C17orf67: variants seen among roughly 807,000 people sequenced by gnomAD.
C17orf67 encodes uncharacterized protein C17orf67.
A neutral mutation model predicts 11.2 loss-of-function variants in C17orf67; 12 were observed. The observed-to-expected ratio is 1.07, with a 90% CI of 0.68 to 1.73. The LOEUF (loss-of-function observed/expected upper bound fraction) is 1.73, where lower values mean the gene tolerates loss of function less well. C17orf67 is among the 40% of genes most tolerant of loss of function. The probability of loss-of-function intolerance (pLI) is 0.00; values close to 1 mark genes in which losing one functional copy is unlikely to be tolerated. For synonymous variants in C17orf67, 59 were observed against 46.9 expected, an observed-to-expected ratio of 1.26 and a Z score of -1.05; for missense variants, 115 against 113.5, an observed-to-expected ratio of 1.01 and a Z score of -0.06.
intron 4 of C17orf67, among the ~76,000 whole-genome samples, chr17:56,820,256 C>T (rs997314955): frequency 1.3e-5 from 2 of 152,086 alleles, no homozygotes; most frequent in African/African-American, 4.8e-5. Context: ...TAATATCAAA[C>T]GTTGAAGGCT....
chr17:56,796,904 C>T (rs1451150223), intron 6 of C17orf67, among the ~76,000 whole-genome samples: 2 of 151,682 alleles, frequency 1.3e-5, no homozygotes, highest in African/African-American at 4.8e-5. Flanking sequence ...CCTTCCTCCT[C>T]GAAGCCTTCA....
At chr17:56,826,040 C>T (rs1486152952) in intron 2 of C17orf67, among the ~76,000 whole-genome samples, 1 of 152,146 alleles carries the variant, frequency 6.6e-6, no homozygotes, top group African/African-American at 2.4e-5. Context: ...CTGCAACCTC[C>T]ACCTCCTGAA....
At chr17:56,802,441 C>T (rs893522444) in intron 6 of C17orf67, among the ~76,000 whole-genome samples, 1 of 152,166 alleles carries the variant, frequency 6.6e-6, no homozygotes, top group African/African-American at 2.4e-5. Context: ...GCCACAGCTC[C>T]TAGGAGGCTG....
rs773076335 is a variant in C17orf67 at position 56,815,888 on chromosome 17, G to T, written c.-78C>A. 8 of 1,605,478 alleles carry T rather than the reference G, an allele frequency of 5.0e-6. No homozygotes were observed. The South Asian group carries it at 8.8e-5, about 18-fold the overall frequency. ...GCCAACTTGAAGGAAGCCATGCCAG[G>T]CCCTGCGCTTGTTTATGCTTTGACT... On this transcript the variant is annotated 5_prime_UTR_variant, in exon 5 of 8. Transcript: ENST00000397861.
chr17:56,828,769 T>C (rs1002997918), intron 2 of C17orf67, among the ~76,000 whole-genome samples: 2 of 148,964 alleles, frequency 1.3e-5, no homozygotes, highest in African/African-American at 2.5e-5. Flanking sequence ...ATCGACTCCA[T>C]GTAACATACG....
chr17:56,824,308 C>T (rs1035003224), intron 4 of C17orf67, among the ~76,000 whole-genome samples: 1 of 152,222 alleles, frequency 6.6e-6, no homozygotes, highest in African/African-American at 2.4e-5. Context: ...TGTTATGACA[C>T]AGAGCAAAAG....
chr17:56,815,771 G>A lies in C17orf67; in HGVS notation c.40C>T (p.Leu14=), dbSNP rs549560438. 35 of 1,611,360 alleles carry A rather than the reference G, an allele frequency of 2.2e-5. No individual in the cohort carries two copies. In the South Asian group the frequency reaches 3.8e-4, roughly 17 times the overall value. The change falls in exon 5 of 8, where the codon CTG becomes TTG. Residue 14 remains leucine, a synonymous_variant. Coordinates refer to ENST00000397861, the MANE Select transcript of C17orf67 (RefSeq NM_001085430.4). ...LPVLVLSLTL[L]TVFSETSPIL... is the part of the protein sequence containing the mutation. ...CAGTGCCCACCTGAGAAGACAGTCA[G>A]TAAGGTAAGAGACAGCACGAGCACA...
chr17:56,808,515 C>T (rs1055497500), intron 6 of C17orf67, among the ~76,000 whole-genome samples: 3 of 152,154 alleles, frequency 2.0e-5, no homozygotes, highest in South Asian at 4.1e-4. Flanking sequence ...TCTCCATCCC[C>T]TCTGGGCCTT....
At chr17:56,797,660 C>A (rs1293539280) in intron 6 of C17orf67, among the ~76,000 whole-genome samples, 1 of 152,198 alleles carries the variant, frequency 6.6e-6, no homozygotes, top group Non-Finnish European at 1.5e-5. Flanking sequence ...GATAGGGCCT[C>A]TCTGCAACCT....
At chr17:56,798,050 GT>G (rs147630826) in intron 6 of C17orf67, among the ~76,000 whole-genome samples, 18,085 of 152,164 alleles carry the variant, frequency 0.12, 1,159 homozygotes, top group South Asian at 0.16. Flanking sequence ...CATACTGAAG[GT>G]GGTTCATCAT....
chr17:56,795,033 A>T lies in C17orf67; in HGVS notation c.*20+11T>A. On this transcript the variant is annotated intron_variant, in intron 7 of 7. Coordinates refer to ENST00000397861, the MANE Select transcript of C17orf67 (RefSeq NM_001085430.4). ...CTCAGACAGAGGTCCGGGAGAGAGAAGGAGACGTACCGAGGCTGGTCCTGA... is the reference window on the plus strand; with the variant it reads ...CTCAGACAGAGGTCCGGGAGAGAGATGGAGACGTACCGAGGCTGGTCCTGA... 1 of 1,572,466 alleles carries T rather than the reference A, an allele frequency of 6.4e-7. No individual in the cohort carries two copies. The highest frequency in any genetic ancestry group is 8.7e-7 in the Non-Finnish European group (1 of 1,143,032).
intron 6 of C17orf67, among the ~76,000 whole-genome samples, chr17:56,800,040 G>T (rs1597988152): frequency 1.5e-5 from 2 of 135,170 alleles, no homozygotes; most frequent in African/African-American, 5.4e-5. Context: ...TGATTTTTCT[G>T]TATCCTGTTG....
chr17:56,807,266 C>G (rs1021610657), intron 6 of C17orf67, among the ~76,000 whole-genome samples: 1 of 152,178 alleles, frequency 6.6e-6, no homozygotes, highest in Non-Finnish European at 1.5e-5. Context: ...AAGTGGAAAC[C>G]AAGTGAGCAG....
At position 56,809,754 on chromosome 17, in the gene C17orf67, C is replaced by T. The variant is rs538036727; in HGVS notation, c.156+5115G>A. On this transcript the variant is annotated intron_variant, in intron 6 of 7. Coordinates refer to ENST00000397861, the MANE Select transcript of C17orf67 (RefSeq NM_001085430.4). ...ACACCCCTCTACACACATACACCCTCACACACACCCCTCTACACACACACC... is the reference window on the plus strand; with the variant it reads ...ACACCCCTCTACACACATACACCCTTACACACACCCCTCTACACACACACC... Among the ~76,000 whole-genome samples the T allele has an allele frequency of 1.3e-3, 199 of 147,826 alleles. 4 individuals are homozygous for T. The highest frequency in any genetic ancestry group is 4.5e-5 in the Non-Finnish European group (3 of 66,728).
chr17:56,827,392 T>A (rs185786366), intron 2 of C17orf67, among the ~76,000 whole-genome samples: 2 of 152,354 alleles, frequency 1.3e-5, no homozygotes, highest in African/African-American at 4.8e-5. Context: ...AATCCATGGT[T>A]ACTAGGCAGA....
At chr17:56,825,395 T>C (rs538105861) in intron 2 of C17orf67, 74 bp from the exon 3 acceptor site, 2 of 152,338 alleles carry the variant, frequency 1.3e-5, no homozygotes, top group South Asian at 2.1e-4. Flanking sequence ...TGGCCACAAA[T>C]ATTATTATTA....
At chr17:56,792,529 T>C (rs1389413450) in intron 7 of C17orf67, among the ~76,000 whole-genome samples, 177 bp from the exon 8 acceptor site, 1 of 150,438 alleles carries the variant, frequency 6.6e-6, no homozygotes, top group East Asian at 2.0e-4. Context: ...GTGGTGGTGG[T>C]GGTGGTGGTG....
intron 2 of C17orf67, among the ~76,000 whole-genome samples, chr17:56,825,723 T>C (rs1178303565): frequency 6.6e-6 from 1 of 152,100 alleles, no homozygotes; most frequent in Non-Finnish European, 1.5e-5. Flanking sequence ...TAATAACATA[T>C]AAAAGTTATT....
intron 6 of C17orf67, among the ~76,000 whole-genome samples, chr17:56,810,480 TACAC>T (rs1453210574): frequency 6.6e-6 from 1 of 151,512 alleles, no homozygotes. Flanking sequence ...CACACACACA[TACAC>T]ACATACACAA....
Sources: allele counts gnomAD v4.1 joint callset (sites outside exome capture counted in the v4.1 genomes callset), GRCh38; gene constraint gnomAD v4.1.1; transcripts MANE v1.5; gene names NCBI Gene and HGNC (gene_info 2026-07-23, HGNC 2026-07-21).